The following TBCA variants were observed in gnomAD, a reference collection of about 807,000 sequenced individuals.
TBCA encodes tubulin-specific chaperone A.
Under a neutral mutation model 15.8 loss-of-function variants are expected in TBCA, and 6 were observed. The ratio of observed to expected loss-of-function variants is 0.38; its 90% CI spans 0.21 to 0.75. The LOEUF (loss-of-function observed/expected upper bound fraction) is 0.75. TBCA is among the 30% of genes least tolerant of loss of function. The pLI, the probability that TBCA is intolerant of heterozygous loss-of-function variation, is 0.46. For synonymous variants in TBCA, 32 were observed against 42.3 expected, an observed-to-expected ratio of 0.76 and a Z score of 0.94; for missense variants, 90 against 131.2, an observed-to-expected ratio of 0.69 and a Z score of 1.53.
intron 1 of TBCA, among the ~76,000 whole-genome samples, chr5:77,762,948 T>C (rs184403827): frequency 1.3e-5 from 2 of 152,272 alleles, no homozygotes; most frequent in Admixed American, 1.3e-4. Context: ...AGACGCTTGT[T>C]TAAAAAGACA....
chr5:77,770,436 C>T (rs188306203), intron 1 of TBCA, among the ~76,000 whole-genome samples: 2 of 152,272 alleles, frequency 1.3e-5, no homozygotes, highest in Non-Finnish European at 2.9e-5. Context: ...GCTATGTTAG[C>T]TAGTTACAGA....
In TBCA at chr5:77,766,602, C is replaced by T. The variant is rs1334102291; in HGVS notation, c.53+9603G>A. On this transcript the variant is annotated intron_variant, in intron 1 of 3. Coordinates refer to ENST00000380377, the MANE Select transcript of TBCA (RefSeq NM_004607.3). ...TCCGCTCACTGCAAGCTCCGCCTTC[C>T]GGGTTCACGCCATTCTCCTGCCTCA... Among the ~76,000 whole-genome samples the T allele has an allele frequency of 1.2e-4, 5 of 43,428 alleles. 1 individual carries two copies. The highest frequency in any genetic ancestry group is 3.8e-4 in the African/African-American group (4 of 10,398). The allele number at this position is 43,428 out of a possible 152,430, so 28.5% of individuals were successfully genotyped here.
At chr5:77,717,470 T>C (rs772168691) in intron 1 of TBCA, among the ~76,000 whole-genome samples, 1 of 152,134 alleles carries the variant, frequency 6.6e-6, no homozygotes, top group Non-Finnish European at 1.5e-5. Flanking sequence ...TTCCACTATA[T>C]TAAAAATTTT....
At chr5:77,758,828 G>C (rs1341056587) in intron 1 of TBCA, among the ~76,000 whole-genome samples, 4 of 152,166 alleles carry the variant, frequency 2.6e-5, no homozygotes, top group Admixed American at 6.5e-5. Flanking sequence ...ACATGCCCGG[G>C]TTCACTTGCT....
chr5:77,743,163 C>A (rs570118012), intron 1 of TBCA, among the ~76,000 whole-genome samples: 1 of 152,080 alleles, frequency 6.6e-6, no homozygotes, highest in Non-Finnish European at 1.5e-5. Flanking sequence ...CTCAAAATAC[C>A]GGTTAGGAGA....
chr5:77,763,112 C>T (rs576830700), intron 1 of TBCA, among the ~76,000 whole-genome samples: 4 of 152,144 alleles, frequency 2.6e-5, no homozygotes, highest in Admixed American at 6.5e-5. Context: ...GGCGTGATGG[C>T]GGGCGCCTGT....
At chr5:77,760,077 A>C (rs764075758) in intron 1 of TBCA, among the ~76,000 whole-genome samples, 3 of 152,202 alleles carry the variant, frequency 2.0e-5, no homozygotes, top group Non-Finnish European at 4.4e-5. Flanking sequence ...TAATCAGAGA[A>C]CAGCACTGAA....
chr5:77,717,176 G>A (rs188749265), intron 1 of TBCA, among the ~76,000 whole-genome samples: 45 of 152,298 alleles, frequency 3.0e-4, no homozygotes, highest in African/African-American at 1.0e-3. Flanking sequence ...CCGTAAAAGC[G>A]TACTGCTTCT....
rs58679612 is a variant in TBCA, at chr5:77,701,682, C to CATATATATATATAT, written c.159+6546_159+6559dup. Among the ~76,000 whole-genome samples the CATATATATATATAT allele has an allele frequency of 2.2e-4, 11 of 50,966 alleles. 1 individual carries two copies. The highest frequency in any genetic ancestry group is 2.6e-4 in the Admixed American group (1 of 3,812). The allele number at this position is 50,966 out of a possible 152,430, so 33.4% of individuals were successfully genotyped here. A position where few individuals can be genotyped will look rare whatever the true frequency, so the allele number is the denominator to read the frequency against. On this transcript the variant is annotated intron_variant, in intron 2 of 3. Transcript: ENST00000380377. ...CAACAAGTGGATAAACTGTGGCATG[C>CATATATATATATAT]ATATATATATATATATATATATATA...
intron 1 of TBCA, among the ~76,000 whole-genome samples, chr5:77,750,140 C>CTCTCTA (rs1554045746): frequency 6.0e-5 from 8 of 134,002 alleles, no homozygotes; most frequent in Admixed American, 2.3e-4. Context: ...TGCTCTCTCT[C>CTCTCTA]TATATATATA....
chr5:77,744,530 C>CT (rs1561277852), intron 1 of TBCA, among the ~76,000 whole-genome samples: 2 of 111,098 alleles, frequency 1.8e-5, no homozygotes, highest in African/African-American at 7.9e-5. Flanking sequence ...GTCTTATTCA[C>CT]CTTTTTTTTT....
chr5:77,694,837 C>T (rs1321754736), intron 2 of TBCA, among the ~76,000 whole-genome samples: 3 of 152,096 alleles, frequency 2.0e-5, no homozygotes, highest in Non-Finnish European at 4.4e-5. Context: ...CATCTATTTT[C>T]TCAGGTGGAA....
intron 1 of TBCA, among the ~76,000 whole-genome samples, chr5:77,757,909 T>C (rs146167652): frequency 5.6e-4 from 85 of 152,176 alleles, no homozygotes; most frequent in African/African-American, 2.0e-3. Context: ...GCACCAAATA[T>C]GTTAGGGGTG....
intron 1 of TBCA, among the ~76,000 whole-genome samples, chr5:77,731,422 A>G (rs1456269046): frequency 3.9e-5 from 6 of 152,224 alleles, no homozygotes; most frequent in Non-Finnish European, 8.8e-5. Context: ...CATATGAGTT[A>G]CTGGGAAAAT....
In TBCA at chr5:77,761,301, T is replaced by A. The variant is rs573083810; in HGVS notation, c.53+14904A>T. Among the ~76,000 whole-genome samples, 16 of 152,324 alleles carry A rather than the reference T, an allele frequency of 1.1e-4. No homozygotes were observed. In the South Asian group the frequency reaches 3.3e-3, roughly 32 times the overall value. On this transcript the variant is annotated intron_variant, in intron 1 of 3. Transcript: ENST00000380377. ...TTTGTTCTGTACTAAGAAAAATTCT[T>A]CTGCCTTGGGATGCTGTTAATCTAT... is the stretch of plus-strand genomic sequence containing the variant.
chr5:77,770,574 C>T (rs988831352), intron 1 of TBCA, among the ~76,000 whole-genome samples: 9 of 63,524 alleles, frequency 1.4e-4, no homozygotes, highest in African/African-American at 8.2e-4. Context: ...TATCCTCCCC[C>T]GCTCCAAAAA....
chr5:77,766,906 T>C (rs1747791432), intron 1 of TBCA, among the ~76,000 whole-genome samples: 1 of 152,202 alleles, frequency 6.6e-6, no homozygotes, highest in Non-Finnish European at 1.5e-5. Flanking sequence ...CAAATATCTA[T>C]TAAGTGTCTA....
In TBCA at chr5:77,759,430, C is replaced by T. The variant is rs557187237; in HGVS notation, c.53+16775G>A. Among the ~76,000 whole-genome samples the T allele has an allele frequency of 5.3e-5, 8 of 152,188 alleles. No homozygotes were observed. In the East Asian group the frequency reaches 1.2e-3, roughly 22 times the overall value. ...CTGGAGGGGTATAATGAGGTATGTG[C>T]GACTCCTACTTCCCATAATGGTCTG... On this transcript the variant is annotated intron_variant, in intron 1 of 3. Coordinates refer to ENST00000380377, the MANE Select transcript of TBCA (RefSeq NM_004607.3).
At chr5:77,737,046 T>C (rs1006853888) in intron 1 of TBCA, among the ~76,000 whole-genome samples, 5 of 152,146 alleles carry the variant, frequency 3.3e-5, no homozygotes, top group African/African-American at 1.2e-4. Flanking sequence ...GAGAATAACA[T>C]CCCAAAAAGT....
Sources: allele counts gnomAD v4.1 joint callset (sites outside exome capture counted in the v4.1 genomes callset), GRCh38; gene constraint gnomAD v4.1.1; transcripts MANE v1.5; gene names NCBI Gene and HGNC (gene_info 2026-07-23, HGNC 2026-07-21).